MTUS1: variants seen among roughly 807,000 people sequenced by gnomAD.
MTUS1 encodes the protein microtubule-associated tumor suppressor 1.
MTUS1 carries 109 observed loss-of-function variants against 120.8 expected under a neutral mutation model. The observed-to-expected ratio is 0.90, with a 90% CI of 0.77 to 1.06. The LOEUF is 1.06. Ranked by LOEUF, MTUS1 falls within the 50% of genes least tolerant of loss-of-function variation. The probability of loss-of-function intolerance (pLI) is 0.00; values close to 1 mark genes in which losing one functional copy is unlikely to be tolerated. For synonymous variants in MTUS1, 737 were observed against 550.5 expected, an observed-to-expected ratio of 1.34 and a Z score of -4.74; for missense variants, 2,210 against 1,486.3, an observed-to-expected ratio of 1.49 and a Z score of -8.01.
chr8:17,653,591 G>A (rs1482751544), intron 10 of MTUS1, 93 bp from the exon 11 acceptor site: 5 of 881,296 alleles, frequency 5.7e-6, no homozygotes, highest in Non-Finnish European at 7.1e-6. Context: ...AGGGGTTGAT[G>A]ATGAAGCCGT....
At chr8:17,799,613 G>A (rs28535187) in intron 1 of MTUS1, among the ~76,000 whole-genome samples, 4,080 of 151,992 alleles carry the variant, frequency 0.027, 191 homozygotes, top group African/African-American at 0.094. Context: ...AATAACTGCA[G>A]GTTAGTTTCC....
At chr8:17,766,897 A>G (rs1007905031) in intron 1 of MTUS1, among the ~76,000 whole-genome samples, 1 of 152,130 alleles carries the variant, frequency 6.6e-6, no homozygotes, top group African/African-American at 2.4e-5. Flanking sequence ...ATTTTAAAGT[A>G]TGATAGTGCA....
At chr8:17,725,513 T>G (rs998893296) in intron 3 of MTUS1, among the ~76,000 whole-genome samples, 1 of 152,220 alleles carries the variant, frequency 6.6e-6, no homozygotes. Flanking sequence ...AGGCACATCA[T>G]TTCTTTTCAA....
chr8:17,721,818 C>T (rs768529477), intron 4 of MTUS1: 17 of 1,614,060 alleles, frequency 1.1e-5, no homozygotes, highest in African/African-American at 4.0e-5. Context: ...CTGAACCAGC[C>T]GGTGGGGTGA....
intron 1 of MTUS1, among the ~76,000 whole-genome samples, chr8:17,759,205 T>C (rs2048855285): frequency 6.6e-6 from 1 of 152,076 alleles, no homozygotes; most frequent in Admixed American, 6.6e-5. Flanking sequence ...TAAATAAGTA[T>C]GTAAGAGGAT....
At chr8:17,696,064 G>A (rs936214385) in intron 6 of MTUS1, among the ~76,000 whole-genome samples, 2 of 152,100 alleles carry the variant, frequency 1.3e-5, no homozygotes, top group African/African-American at 2.4e-5. Context: ...GCAAATATAG[G>A]GCACCCTTTG....
intron 1 of MTUS1, among the ~76,000 whole-genome samples, chr8:17,785,516 T>G (rs2051231961): frequency 6.6e-6 from 1 of 152,210 alleles, no homozygotes; most frequent in South Asian, 2.1e-4. Flanking sequence ...AGACAAAATT[T>G]GTACGACTGC....
chr8:17,684,280 T>TC, intron 7 of MTUS1, 48 bp downstream of exon 7: 1 of 1,429,496 alleles, frequency 7.0e-7, no homozygotes, highest in Non-Finnish European at 9.9e-7. Context: ...CTCCCCGTGC[T>TC]CCCCCGACCT....
At chr8:17,709,584 T>C (rs1400574466) in intron 6 of MTUS1, among the ~76,000 whole-genome samples, 4 of 152,118 alleles carry the variant, frequency 2.6e-5, no homozygotes, top group Admixed American at 6.6e-5. Context: ...CTGGGAGATA[T>C]ATATCACCCC....
intron 13 of MTUS1, 82 bp downstream of exon 13, chr8:17,649,764 T>C: frequency 1.3e-6 from 1 of 762,630 alleles, no homozygotes; most frequent in Non-Finnish European, 2.3e-6. Context: ...TTAACCCAAC[T>C]CCACAGTTCT....
At chr8:17,698,842 C>T (rs1299078036) in intron 6 of MTUS1, among the ~76,000 whole-genome samples, 1 of 152,140 alleles carries the variant, frequency 6.6e-6, no homozygotes, top group African/African-American at 2.4e-5. Context: ...AGTTCATACA[C>T]TGACGAAAAA....
chr8:17,738,316 A>T (rs1391411050), intron 3 of MTUS1, among the ~76,000 whole-genome samples: 2 of 152,120 alleles, frequency 1.3e-5, no homozygotes, highest in Non-Finnish European at 2.9e-5. Flanking sequence ...TCCTCAGCTC[A>T]CAGGAGTCAC....
chr8:17,753,247 G>A (rs189108818), intron 2 of MTUS1, among the ~76,000 whole-genome samples: 1 of 152,104 alleles, frequency 6.6e-6, no homozygotes, highest in Non-Finnish European at 1.5e-5. Flanking sequence ...GCTCATACAA[G>A]AGGGCTCTAC....
At chr8:17,751,618 G>A (rs2048199623) in intron 2 of MTUS1, among the ~76,000 whole-genome samples, 1 of 152,068 alleles carries the variant, frequency 6.6e-6, no homozygotes, top group African/African-American at 2.4e-5. Context: ...CCAGCACTTT[G>A]GGAGGCCGAG....
chr8:17,751,247 C>T (rs1394622477), intron 2 of MTUS1, among the ~76,000 whole-genome samples: 1 of 152,054 alleles, frequency 6.6e-6, no homozygotes, highest in African/African-American at 2.4e-5. Context: ...TGCAGTGAGC[C>T]GAGATCGCGC....
intron 13 of MTUS1, among the ~76,000 whole-genome samples, chr8:17,648,872 A>G (rs1806382821): frequency 1.3e-5 from 2 of 152,230 alleles, no homozygotes; most frequent in African/African-American, 4.8e-5. Flanking sequence ...AGGCACCGCG[A>G]GGGCGGGGAT....
intron 4 of MTUS1, among the ~76,000 whole-genome samples, chr8:17,723,065 C>T (rs550055896): frequency 4.6e-5 from 7 of 152,152 alleles, no homozygotes; most frequent in Admixed American, 2.0e-4. Flanking sequence ...CTGTGCACAG[C>T]GGGCACTCCA....
At chr8:17,696,169 TCCC>T (rs562918239) in intron 6 of MTUS1, among the ~76,000 whole-genome samples, 1 of 151,836 alleles carries the variant, frequency 6.6e-6, no homozygotes, top group South Asian at 2.1e-4. Context: ...CCTCGCTGCC[TCCC>T]CCCATTTACC....
chr8:17,767,700 T>TAAGAAAAAAAAAAAAAAAAAAAA lies in MTUS1; in HGVS notation c.-154-11740_-154-11739insTTTTTTTTTTTTTTTTTTTTCTT, dbSNP rs1554533204. ...GGTGATAGAGCAAGACCCTGTCTCT[T>TAAGAAAAAAAAAAAAAAAAAAAA]AAAAAAAAAAAAAAAAAACGGTGTG... is the stretch of plus-strand genomic sequence containing the variant. On this transcript the variant is annotated intron_variant, in intron 1 of 14. Transcript: ENST00000693296. Among the ~76,000 whole-genome samples the TAAGAAAAAAAAAAAAAAAAAAAA allele has an allele frequency of 3.0e-4, 26 of 87,884 alleles. 1 individual carries two copies. Among genetic ancestry groups the TAAGAAAAAAAAAAAAAAAAAAAA allele is most frequent in the African/African-American group, 1.3e-3 (25 of 19,626 alleles). The allele number at this position is 87,884 out of a possible 152,430, so 57.7% of individuals were successfully genotyped here.
Sources: gnomAD v4.1 joint callset for allele counts (sites outside exome capture counted in the v4.1 genomes callset) on GRCh38, gnomAD v4.1.1 for gene constraint, MANE v1.5 for transcripts, NCBI Gene and HGNC (gene_info 2026-07-23, HGNC 2026-07-21) for gene names.